The following CREB5 variants were observed in gnomAD, a reference collection of about 807,000 sequenced individuals.
CREB5 encodes cAMP responsive element binding protein 5, also known as cyclic AMP-responsive element-binding protein 5.
CREB5 carries 19 observed loss-of-function variants against 57.1 expected under a neutral mutation model. The ratio of observed to expected loss-of-function variants is 0.33; its 90% CI spans 0.23 to 0.49. The LOEUF (loss-of-function observed/expected upper bound fraction) is 0.49, where lower values mean the gene tolerates loss of function less well. Ranked by LOEUF, CREB5 falls within the 20% of genes least tolerant of loss-of-function variation. The pLI is 0.99. For missense variants in CREB5, 579 were observed against 671.6 expected, an observed-to-expected ratio of 0.86 and a Z score of 1.52; for synonymous variants, 238 against 238.3, an observed-to-expected ratio of 1.00 and a Z score of 0.01.
At chr7:28,676,343 G>A (rs1170046407) in intron 5 of CREB5, among the ~76,000 whole-genome samples, 1 of 152,096 alleles carries the variant, frequency 6.6e-6, no homozygotes, top group Admixed American at 6.5e-5. Context: ...TGTCTCCGTG[G>A]CTGCTTCTGT....
chr7:28,449,895 C>G (rs1789707522), intron 1 of CREB5, among the ~76,000 whole-genome samples: 1 of 152,204 alleles, frequency 6.6e-6, no homozygotes, highest in African/African-American at 2.4e-5. Context: ...CTATCTCCCT[C>G]CCATCCTTTA....
chr7:28,692,625 C>T (rs1014156639), intron 5 of CREB5, among the ~76,000 whole-genome samples: 6 of 152,202 alleles, frequency 3.9e-5, no homozygotes, highest in East Asian at 1.9e-4. Context: ...AGGCCAACCT[C>T]GGGCATGGTG....
intron 5 of CREB5, among the ~76,000 whole-genome samples, chr7:28,699,471 C>T (rs1470811885): frequency 6.6e-6 from 1 of 152,006 alleles, no homozygotes; most frequent in Non-Finnish European, 1.5e-5. Flanking sequence ...CTCTGGGAAC[C>T]AAAATTAATT....
intron 5 of CREB5, among the ~76,000 whole-genome samples, chr7:28,617,884 A>G (rs911386358): frequency 6.6e-6 from 1 of 152,300 alleles, no homozygotes; most frequent in East Asian, 1.9e-4. Flanking sequence ...GAGCAGCAGT[A>G]TAGGTGTCAT....
At chr7:28,666,099 G>A (rs1799812381) in intron 5 of CREB5, among the ~76,000 whole-genome samples, 1 of 152,004 alleles carries the variant, frequency 6.6e-6, no homozygotes, top group Non-Finnish European at 1.5e-5. Flanking sequence ...GAGTTATAAG[G>A]AGCGATTGCC....
In CREB5 at chr7:28,466,346, G is replaced by A. The variant is rs534865249; in HGVS notation, c.4-21829G>A. Among the ~76,000 whole-genome samples the A allele has an allele frequency of 7.9e-5, 12 of 152,218 alleles. No homozygotes were observed. The South Asian group carries it at 2.5e-3, about 32-fold the overall frequency. ...GCAAGGGAATTTTCACTGCTGCAAG[G>A]GAAAGCTTCAATCAGTCTTGAAAGA... On this transcript the variant is annotated intron_variant, in intron 1 of 10. Transcript: ENST00000357727.
chr7:28,673,368 G>T (rs777434983), intron 5 of CREB5, among the ~76,000 whole-genome samples: 3 of 152,126 alleles, frequency 2.0e-5, no homozygotes, highest in African/African-American at 4.8e-5. Context: ...ATTGTCCCCT[G>T]GAAAGCAGCT....
chr7:28,695,468 C>T (rs892108907), intron 5 of CREB5, among the ~76,000 whole-genome samples: 1 of 152,162 alleles, frequency 6.6e-6, no homozygotes, highest in African/African-American at 2.4e-5. Context: ...CAGGCAGGCC[C>T]TTGAGACTCT....
chr7:28,507,659 G>C lies in CREB5; in HGVS notation c.213G>C (p.Glu71Asp). ...TPTRFLKNCE[E>D]VGLFSELDCS... is the part of the protein sequence containing the mutation. Reference sequence around the variant, plus strand: ...CGAGATTCCTGAAGAACTGCGAGGAGGTGGGCCTCTTCAGCGAGCTGGACT... The same window carrying C: ...CGAGATTCCTGAAGAACTGCGAGGACGTGGGCCTCTTCAGCGAGCTGGACT... The change falls in exon 4 of 11, where the codon GAG becomes GAC. Residue 71 changes from glutamate to aspartate, a missense_variant. Glu to Asp is a conservative substitution (Grantham distance 45, BLOSUM62 2). Transcript: ENST00000357727. 1 of 1,611,976 alleles carries C rather than the reference G, an allele frequency of 6.2e-7. No individual in the cohort carries two copies. The highest frequency in any genetic ancestry group is 1.3e-5 in the African/African-American group (1 of 75,024).
At chr7:28,505,859 C>A (rs1161982891) in intron 3 of CREB5, among the ~76,000 whole-genome samples, 1 of 152,180 alleles carries the variant, frequency 6.6e-6, no homozygotes, top group Non-Finnish European at 1.5e-5. Context: ...TCTATAAACA[C>A]ACAATAGTTA....
At chr7:28,459,241 G>T (rs1479698880) in intron 1 of CREB5, among the ~76,000 whole-genome samples, 1 of 152,076 alleles carries the variant, frequency 6.6e-6, no homozygotes, top group African/African-American at 2.4e-5. Flanking sequence ...AGCCATCTTT[G>T]CACACCCCAC....
chr7:28,716,100 C>T (rs189382038), intron 5 of CREB5, among the ~76,000 whole-genome samples: 4 of 152,150 alleles, frequency 2.6e-5, no homozygotes, highest in South Asian at 2.1e-4. Flanking sequence ...CATCCCCATT[C>T]GCGTAACCAT....
At chr7:28,385,994 G>A (rs911383808) in intron 1 of CREB5, among the ~76,000 whole-genome samples, 3 of 152,104 alleles carry the variant, frequency 2.0e-5, no homozygotes, top group Non-Finnish European at 4.4e-5. Flanking sequence ...TTATGTATCT[G>A]CCAGTCTAAT....
chr7:28,339,010 C>T (rs1436757072), intron 1 of CREB5, among the ~76,000 whole-genome samples: 1 of 152,072 alleles, frequency 6.6e-6, no homozygotes, highest in African/African-American at 2.4e-5. Flanking sequence ...TGATAGGATT[C>T]TGAATTCCTT....
At chr7:28,711,943 A>C (rs890393816) in intron 5 of CREB5, among the ~76,000 whole-genome samples, 1 of 152,186 alleles carries the variant, frequency 6.6e-6, no homozygotes, top group Non-Finnish European at 1.5e-5. Context: ...AATAGTGACA[A>C]AAATAACCCA....
chr7:28,804,995 G>T (rs1808623789), intron 8 of CREB5, among the ~76,000 whole-genome samples: 1 of 152,206 alleles, frequency 6.6e-6, no homozygotes, highest in Non-Finnish European at 1.5e-5. Flanking sequence ...AATCTTCTGA[G>T]TAACAGTGAA....
intron 5 of CREB5, among the ~76,000 whole-genome samples, chr7:28,605,785 G>GT (rs1554274013): frequency 6.6e-6 from 1 of 152,192 alleles, no homozygotes; most frequent in Non-Finnish European, 1.5e-5. Flanking sequence ...ACACAAGAGT[G>GT]CTTCGGTCCT....
chr7:28,560,955 T>TGC (rs1562798093), intron 4 of CREB5, among the ~76,000 whole-genome samples: 333 of 22,078 alleles, frequency 0.015, 18 homozygotes, highest in East Asian at 0.057. Context: ...TGTGTGCGTG[T>TGC]GTGTGCGTGT....
intron 1 of CREB5, among the ~76,000 whole-genome samples, chr7:28,476,557 C>T (rs1475903700): frequency 6.6e-6 from 1 of 152,156 alleles, no homozygotes; most frequent in African/African-American, 2.4e-5. Context: ...AGTTAAGTAA[C>T]TTGCCTAAGA....
Sources: allele counts gnomAD v4.1 joint callset (sites outside exome capture counted in the v4.1 genomes callset), GRCh38; gene constraint gnomAD v4.1.1; transcripts MANE v1.5; gene names NCBI Gene and HGNC (gene_info 2026-07-23, HGNC 2026-07-21).